The following PTPRD variants were observed in gnomAD, a reference collection of about 807,000 sequenced individuals.
PTPRD encodes receptor-type tyrosine-protein phosphatase delta.
PTPRD carries 34 observed loss-of-function variants against 214.5 expected under a neutral mutation model. That is an observed-to-expected ratio of 0.16 (90% CI 0.12 to 0.21). The LOEUF is 0.21. Among genes scored for constraint, PTPRD ranks in the 10% least tolerant of loss-of-function variants. PTPRD has a pLI of 1.00. For synonymous variants in PTPRD, 1,128 were observed against 845.7 expected, an observed-to-expected ratio of 1.33 and a Z score of -5.79; for missense variants, 2,545 against 2,398.7, an observed-to-expected ratio of 1.06 and a Z score of -1.27.
intron 2 of PTPRD, among the ~76,000 whole-genome samples, chr9:10,480,507 A>C (rs1002426464): frequency 5.3e-5 from 8 of 152,228 alleles, no homozygotes; most frequent in African/African-American, 1.9e-4. Context: ...AGATTAATAA[A>C]TAGAAAAAAA....
chr9:9,367,436 T>A (rs1036149271), intron 9 of PTPRD, among the ~76,000 whole-genome samples: 4 of 151,690 alleles, frequency 2.6e-5, no homozygotes, highest in Non-Finnish European at 4.4e-5. Flanking sequence ...TGGCCTACAA[T>A]TATATTGTAT....
intron 9 of PTPRD, among the ~76,000 whole-genome samples, chr9:9,311,592 T>A (rs1959020782): frequency 1.3e-5 from 2 of 152,136 alleles, no homozygotes; most frequent in Admixed American, 6.6e-5. Flanking sequence ...TTAAGGAGAA[T>A]TTAGAAGGAT....
At position 9,145,740 on chromosome 9, in the gene PTPRD, A is replaced by G. The variant is rs143733304; in HGVS notation, c.-143+37564T>C. Reference sequence around the variant, plus strand: ...AAGCAAGGAGGGAACACAGTAGAATAGAACTGGATCTTGGTCAGAGATTGG... The same window carrying G: ...AAGCAAGGAGGGAACACAGTAGAATGGAACTGGATCTTGGTCAGAGATTGG... On this transcript the variant is annotated intron_variant, in intron 10 of 45. Coordinates refer to ENST00000381196, the MANE Select transcript of PTPRD (RefSeq NM_002839.4). 1.5e-3 allele frequency among the ~76,000 whole-genome samples: 236 copies of G among 152,328 alleles called. 2 individuals are homozygous for G. Among genetic ancestry groups the G allele is most frequent in the African/African-American group, 5.3e-3 (220 of 41,580 alleles).
At chr9:9,906,706 G>C (rs1011003991) in intron 5 of PTPRD, among the ~76,000 whole-genome samples, 1 of 151,822 alleles carries the variant, frequency 6.6e-6, no homozygotes, top group Non-Finnish European at 1.5e-5. Flanking sequence ...ACAATTCATA[G>C]GAAAGGAAAA....
intron 2 of PTPRD, among the ~76,000 whole-genome samples, chr9:10,547,442 C>T (rs1238511781): frequency 6.6e-6 from 1 of 151,858 alleles, no homozygotes; most frequent in East Asian, 1.9e-4. Flanking sequence ...CTGTGAAAAA[C>T]ATTAGTCTTT....
At chr9:9,610,407 A>C (rs1447005402) in intron 7 of PTPRD, among the ~76,000 whole-genome samples, 1 of 152,230 alleles carries the variant, frequency 6.6e-6, no homozygotes, top group African/African-American at 2.4e-5. Flanking sequence ...GCAAAGCAAT[A>C]ATATCAACGG....
chr9:8,344,188 T>G (rs1855295109), intron 39 of PTPRD, among the ~76,000 whole-genome samples: 1 of 152,110 alleles, frequency 6.6e-6, no homozygotes, highest in Admixed American at 6.6e-5. Flanking sequence ...TTGTCTTCAT[T>G]GCAGCTGTGA....
At chr9:10,421,677 G>T (rs1400511122) in intron 2 of PTPRD, among the ~76,000 whole-genome samples, 2 of 151,874 alleles carry the variant, frequency 1.3e-5, no homozygotes, top group South Asian at 4.1e-4. Context: ...TGATCCATTT[G>T]GTTTCTAAAT....
At chr9:9,799,611 A>G (rs1418071018) in intron 5 of PTPRD, 1 of 152,198 alleles carries the variant, frequency 6.6e-6, no homozygotes, top group Non-Finnish European at 1.5e-5. Context: ...GAACCAAGGT[A>G]AAGCATACAT....
At chr9:10,242,241 C>A (rs1339306596) in intron 3 of PTPRD, among the ~76,000 whole-genome samples, 2 of 151,926 alleles carry the variant, frequency 1.3e-5, no homozygotes, top group East Asian at 1.9e-4. Flanking sequence ...ATTTTCAGTT[C>A]TCTAAACTGT....
At chr9:9,636,861 G>A (rs1219929881) in intron 7 of PTPRD, among the ~76,000 whole-genome samples, 1 of 152,124 alleles carries the variant, frequency 6.6e-6, no homozygotes, top group Non-Finnish European at 1.5e-5. Flanking sequence ...AGGCTGGGAA[G>A]CCTAAGATCA....
At chr9:9,341,692 C>A (rs1213943642) in intron 9 of PTPRD, among the ~76,000 whole-genome samples, 1 of 152,062 alleles carries the variant, frequency 6.6e-6, no homozygotes, top group Non-Finnish European at 1.5e-5. Context: ...CTGGAATGAT[C>A]ACTTCTTATA....
At chr9:8,741,119 G>A (rs2091809881) in intron 11 of PTPRD, among the ~76,000 whole-genome samples, 2 of 152,026 alleles carry the variant, frequency 1.3e-5, no homozygotes. Flanking sequence ...TTATTTTCAA[G>A]GATGGCAAAA....
chr9:10,322,972 C>T (rs1463008325), intron 3 of PTPRD, among the ~76,000 whole-genome samples: 3 of 151,916 alleles, frequency 2.0e-5, no homozygotes, highest in Non-Finnish European at 4.4e-5. Flanking sequence ...GGGGAAGATA[C>T]AGATTCTATT....
chr9:9,520,242 A>T (rs889466967), intron 8 of PTPRD, among the ~76,000 whole-genome samples: 1 of 148,348 alleles, frequency 6.7e-6, no homozygotes, highest in Non-Finnish European at 1.5e-5. Flanking sequence ...TTGTATTTAA[A>T]TGTAAAAATA....
intron 2 of PTPRD, among the ~76,000 whole-genome samples, chr9:10,476,477 G>A (rs1809339175): frequency 6.6e-6 from 1 of 151,848 alleles, no homozygotes; most frequent in African/African-American, 2.4e-5. Flanking sequence ...ACTACTAAAG[G>A]AAGTAAAAGA....
chr9:8,392,322 T>A (rs889660128), intron 36 of PTPRD, among the ~76,000 whole-genome samples: 3 of 151,978 alleles, frequency 2.0e-5, no homozygotes, highest in Admixed American at 6.6e-5. Flanking sequence ...GAATAGCACA[T>A]GACAAGTCTG....
At chr9:9,666,884 C>T (rs2096733326) in intron 7 of PTPRD, among the ~76,000 whole-genome samples, 1 of 151,914 alleles carries the variant, frequency 6.6e-6, no homozygotes, top group Admixed American at 6.6e-5. Flanking sequence ...CTTTACCTCG[C>T]TTTTTATGGA....
At chr9:8,727,417 G>A (rs994035837) in intron 12 of PTPRD, among the ~76,000 whole-genome samples, 5 of 152,196 alleles carry the variant, frequency 3.3e-5, no homozygotes, top group African/African-American at 1.2e-4. Context: ...CAGACAGCTG[G>A]ATGCTGCTAA....
Sources: gnomAD v4.1 joint callset for allele counts (sites outside exome capture counted in the v4.1 genomes callset) on GRCh38, gnomAD v4.1.1 for gene constraint, MANE v1.5 for transcripts, NCBI Gene and HGNC (gene_info 2026-07-23, HGNC 2026-07-21) for gene names.